KCNQ1: variants seen among roughly 807,000 people sequenced by gnomAD.
KCNQ1 encodes potassium voltage-gated channel subfamily Q member 1, also known as potassium voltage-gated channel subfamily KQT member 1.
In KCNQ1, 49 loss-of-function variants were observed where a neutral mutation model predicts 72.4. That is an observed-to-expected ratio of 0.68 (90% CI 0.54 to 0.86). KCNQ1 has a LOEUF of 0.86. Ranked by LOEUF, KCNQ1 falls within the 40% of genes least tolerant of loss-of-function variation. The pLI, the probability that KCNQ1 is intolerant of heterozygous loss-of-function variation, is 0.00. For missense variants in KCNQ1, 790 were observed against 945.1 expected (o/e 0.84, Z 2.15); for synonymous variants, 450 against 412.6 (o/e 1.09, Z -1.10).
At chr11:2,586,126 A>G (rs1848588681) in intron 8 of KCNQ1, among the ~76,000 whole-genome samples, 1 of 152,210 alleles carries the variant, frequency 6.6e-6, no homozygotes, top group Non-Finnish European at 1.5e-5. Context: ...CACTGGGGAT[A>G]GGGCCTCCGC....
intron 10 of KCNQ1, chr11:2,650,971 T>A (rs1459871691): frequency 5.0e-6 from 2 of 398,520 alleles, no homozygotes; most frequent in Non-Finnish European, 8.8e-6. Flanking sequence ...AATCTATCAG[T>A]ATGTCTTATC....
intron 15 of KCNQ1, among the ~76,000 whole-genome samples, 175 bp from the exon 16 acceptor site, chr11:2,847,592 C>T (rs903259528): frequency 3.3e-5 from 5 of 152,208 alleles, no homozygotes; most frequent in Non-Finnish European, 7.3e-5. Context: ...CACACAGGCG[C>T]GACCGAGGGC....
chr11:2,653,614 A>G lies in KCNQ1; in HGVS notation c.1394-8347A>G. 2.5e-6 allele frequency: 1 copy of G among 398,466 alleles called. No homozygotes were observed. Among genetic ancestry groups the G allele is most frequent in the East Asian group, 3.6e-5 (1 of 28,060 alleles). The allele number at this position is 398,466 out of a possible 1,614,324, so 24.7% of individuals were successfully genotyped here. ...GCTCTCTATCCATTGGCCCCATGGGATGGCTGTATCCTTAGGCAGCTACTT... is the reference window on the plus strand; with the variant it reads ...GCTCTCTATCCATTGGCCCCATGGGGTGGCTGTATCCTTAGGCAGCTACTT... On this transcript the variant is annotated intron_variant, in intron 10 of 15. Transcript: ENST00000155840. This position sits in a 1 kb window ranked among gnomAD's most constrained non-coding sequence, Gnocchi z 5.3.
At chr11:2,523,281 C>T (rs1847424645) in intron 1 of KCNQ1, among the ~76,000 whole-genome samples, 1 of 152,012 alleles carries the variant, frequency 6.6e-6, no homozygotes, top group East Asian at 1.9e-4. Flanking sequence ...GCAACCTCCA[C>T]CTCCCTGGTT....
At chr11:2,573,636 T>C (rs938328276) in intron 6 of KCNQ1, among the ~76,000 whole-genome samples, 4 of 152,172 alleles carry the variant, frequency 2.6e-5, no homozygotes, top group African/African-American at 9.7e-5. Context: ...AGGCTGCCCC[T>C]GGCTGTGAAG....
At chr11:2,552,393 T>C (rs1847995890) in intron 2 of KCNQ1, among the ~76,000 whole-genome samples, 1 of 152,210 alleles carries the variant, frequency 6.6e-6, no homozygotes, top group South Asian at 2.1e-4. Context: ...GTTGGCCGTG[T>C]GTGTGGGTTC....
chr11:2,844,549 T>C (rs1281532081), intron 15 of KCNQ1, among the ~76,000 whole-genome samples: 1 of 152,176 alleles, frequency 6.6e-6, no homozygotes, highest in Non-Finnish European at 1.5e-5. Flanking sequence ...TGTGGCTGCC[T>C]CCCGACCCCA....
Position 2,483,843 on chromosome 11 carries a change from C to T in KCNQ1, c.386+38359C>T, listed in dbSNP as rs1466595739. Among the ~76,000 whole-genome samples the T allele has an allele frequency of 6.6e-6, 1 of 152,070 alleles. No homozygotes were observed. Among genetic ancestry groups the T allele is most frequent in the Non-Finnish European group, 1.5e-5 (1 of 68,034 alleles). On this transcript the variant is annotated intron_variant, in intron 1 of 15. Coordinates refer to ENST00000155840, the MANE Select transcript of KCNQ1 (RefSeq NM_000218.3). This position sits in a 1 kb window ranked among gnomAD's most constrained non-coding sequence, Gnocchi z 6.1. ...TCTCAGCTGTAAATTAACCATTTTCCGCTTCATAATTAGTAAACACCTTGA... is the reference window on the plus strand; with the variant it reads ...TCTCAGCTGTAAATTAACCATTTTCTGCTTCATAATTAGTAAACACCTTGA...
At chr11:2,714,969 G>A (rs991665895) in intron 11 of KCNQ1, among the ~76,000 whole-genome samples, 1 of 152,144 alleles carries the variant, frequency 6.6e-6, no homozygotes, top group Non-Finnish European at 1.5e-5. Flanking sequence ...GAGCCTGCAG[G>A]AGGGGCCTAG....
rs950724148 is a variant in KCNQ1, at chr11:2,613,952, A to G, written c.1393+25098A>G. The stretch of plus-strand genomic sequence containing the variant: ...TTGAACTTTGCTTTTCTCACCTAAC[A>G]ACATCTCCTAGAAATCACTCAACAT... On this transcript the variant is annotated intron_variant, in intron 10 of 15. Transcript: ENST00000155840. The surrounding 1 kb of genome is among the most constrained non-coding windows in gnomAD (Gnocchi z 4.8). The G allele has an allele frequency of 8.8e-5, 35 of 398,470 alleles. No individual in the cohort carries two copies. The highest frequency in any genetic ancestry group is 6.2e-4 in the Middle Eastern group (1 of 1,610). The allele number at this position is 398,470 out of a possible 1,614,324, so 24.7% of individuals were successfully genotyped here. A position where few individuals can be genotyped will look rare whatever the true frequency, so the allele number is the denominator to read the frequency against.
At position 2,661,700 on chromosome 11, in the gene KCNQ1, G is replaced by A. The variant is rs2133855512; in HGVS notation, c.1394-261G>A. The A allele has an allele frequency of 5.0e-6, 3 of 605,924 alleles. No individual in the cohort carries two copies. Among genetic ancestry groups the A allele is most frequent in the Non-Finnish European group, 8.8e-6 (3 of 339,448 alleles). 37.5% of individuals were successfully genotyped at this position (605,924 alleles called of 1,614,324 possible). A position where few individuals can be genotyped will look rare whatever the true frequency, so the allele number is the denominator to read the frequency against. ...GGTGGGGAGAGTCTTGGACACCTGA[G>A]CACAGCCCCAGGCACAGTTACCACT... On this transcript the variant is annotated intron_variant, in intron 10 of 15. Transcript: ENST00000155840. The surrounding 1 kb of genome is among the most constrained non-coding windows in gnomAD (Gnocchi z 5.9).
chr11:2,737,300 C>T lies in KCNQ1; in HGVS notation c.1515-31544C>T, dbSNP rs375762723. On this transcript the variant is annotated intron_variant, in intron 11 of 15. Coordinates refer to ENST00000155840, the MANE Select transcript of KCNQ1 (RefSeq NM_000218.3). The stretch of plus-strand genomic sequence containing the variant: ...AGGGAGAGCCCCGGGCAGCTGCTGC[C>T]GTGTGGGTGGATGTCCGGCCACTGC... Among the ~76,000 whole-genome samples the T allele has an allele frequency of 2.7e-3, 418 of 152,196 alleles. 1 individual carries two copies. Among genetic ancestry groups the T allele is most frequent in the African/African-American group, 9.1e-3 (379 of 41,540 alleles).
intron 10 of KCNQ1, chr11:2,614,732 T>C (rs1253648799): frequency 1.3e-5 from 5 of 398,324 alleles, no homozygotes; most frequent in Middle Eastern, 6.2e-4. Context: ...CATTGGTCTA[T>C]ATGTCCATCC....
At chr11:2,625,120 A>G (rs1434788589) in intron 10 of KCNQ1, 1 of 398,528 alleles carries the variant, frequency 2.5e-6, no homozygotes, top group Non-Finnish European at 4.4e-6. Flanking sequence ...GATGGATCAG[A>G]TAATTCTGTT....
At chr11:2,557,250 C>T (rs1195233605) in intron 2 of KCNQ1, among the ~76,000 whole-genome samples, 1 of 152,200 alleles carries the variant, frequency 6.6e-6, no homozygotes, top group Admixed American at 6.5e-5. Context: ...ATTAGAAGAC[C>T]TGACTGTAAT....
chr11:2,773,406 G>T (rs1168814266), intron 12 of KCNQ1, among the ~76,000 whole-genome samples: 3 of 151,964 alleles, frequency 2.0e-5, no homozygotes, highest in Non-Finnish European at 4.4e-5. Context: ...TTACAGAAAG[G>T]AGGATCAAGG....
intron 8 of KCNQ1, among the ~76,000 whole-genome samples, chr11:2,585,705 T>C (rs1399860254): frequency 6.6e-6 from 1 of 152,170 alleles, no homozygotes; most frequent in Non-Finnish European, 1.5e-5. Context: ...GCTGTGCAGT[T>C]GGTGCCTTCT....
chr11:2,600,360 A>G lies in KCNQ1; in HGVS notation c.1393+11506A>G, dbSNP rs1275891715. 1.3e-5 allele frequency among the ~76,000 whole-genome samples: 2 copies of G among 152,210 alleles called. No homozygotes were observed. The highest frequency in any genetic ancestry group is 4.8e-5 in the African/African-American group (2 of 41,448). On this transcript the variant is annotated intron_variant, in intron 10 of 15. Coordinates refer to ENST00000155840, the MANE Select transcript of KCNQ1 (RefSeq NM_000218.3). The surrounding 1 kb of genome is among the most constrained non-coding windows in gnomAD (Gnocchi z 5.6). ...GGCCATAATTTTGAACTACAGAAAA[A>G]TTACAAGCACGAGATATAAAAACAC...
intron 15 of KCNQ1, among the ~76,000 whole-genome samples, chr11:2,799,548 T>C (rs1257621112): frequency 2.0e-5 from 3 of 151,812 alleles, no homozygotes; most frequent in African/African-American, 7.2e-5. Context: ...TGTGTCTGCA[T>C]GTATCGTGTG....
Sources: allele counts gnomAD v4.1 joint callset (sites outside exome capture counted in the v4.1 genomes callset), GRCh38; gene constraint gnomAD v4.1.1; non-coding constraint Gnocchi (gnomAD v3.1); transcripts MANE v1.5; gene names NCBI Gene and HGNC (gene_info 2026-07-23, HGNC 2026-07-21).